PKHD1: variants seen among roughly 807,000 people sequenced by gnomAD.
PKHD1 encodes the protein fibrocystin.
A neutral mutation model predicts 412.0 loss-of-function variants in PKHD1; 291 were observed. The observed-to-expected ratio is 0.71, with a 90% CI of 0.64 to 0.78. PKHD1 has a LOEUF of 0.78. Among genes scored for constraint, PKHD1 ranks in the 30% least tolerant of loss-of-function variants. The pLI is 0.00. For synonymous variants in PKHD1, 1,777 were observed against 1,821.5 expected, an observed-to-expected ratio of 0.98 and a Z score of 0.62; for missense variants, 4,825 against 4,950.7, an observed-to-expected ratio of 0.97 and a Z score of 0.76.
chr6:52,066,664 G>T (rs1433908167), intron 11 of PKHD1, among the ~76,000 whole-genome samples: 4 of 152,094 alleles, frequency 2.6e-5, no homozygotes, highest in African/African-American at 9.7e-5. Flanking sequence ...AGGCCGAAGC[G>T]AGTGGCAGGT....
intron 41 of PKHD1, among the ~76,000 whole-genome samples, chr6:51,904,266 T>G (rs1474488574): frequency 1.3e-5 from 2 of 152,216 alleles, no homozygotes; most frequent in Non-Finnish European, 2.9e-5. Flanking sequence ...AGATCTGTTT[T>G]ACTTTTGAGG....
intron 34 of PKHD1, among the ~76,000 whole-genome samples, chr6:52,016,862 G>A (rs1210626336): frequency 6.6e-6 from 1 of 152,128 alleles, no homozygotes; most frequent in Non-Finnish European, 1.5e-5. Flanking sequence ...GGTTAACTTG[G>A]AAAGTTGTGG....
chr6:51,964,730 T>C (rs1292584488), intron 35 of PKHD1, among the ~76,000 whole-genome samples: 1 of 152,152 alleles, frequency 6.6e-6, no homozygotes, highest in Non-Finnish European at 1.5e-5. Context: ...TATAATTTAA[T>C]TTTGTTCAGT....
At chr6:51,779,471 G>A (rs1562293028) in intron 53 of PKHD1, among the ~76,000 whole-genome samples, 1 of 152,002 alleles carries the variant, frequency 6.6e-6, no homozygotes, top group Non-Finnish European at 1.5e-5. Context: ...TATACTGTAA[G>A]GGCCATTTAC....
chr6:51,728,323 G>A (rs541116483), intron 60 of PKHD1, among the ~76,000 whole-genome samples: 1 of 152,236 alleles, frequency 6.6e-6, no homozygotes, highest in South Asian at 2.1e-4. Context: ...GGCCACTGGA[G>A]CAAGTCACGC....
At chr6:51,947,839 C>T (rs1408821521) in intron 36 of PKHD1, among the ~76,000 whole-genome samples, 1 of 152,112 alleles carries the variant, frequency 6.6e-6, no homozygotes, top group Non-Finnish European at 1.5e-5. Context: ...TACCCAACTG[C>T]CTACTCAACA....
intron 60 of PKHD1, among the ~76,000 whole-genome samples, chr6:51,711,163 A>G (rs1780615262): frequency 6.6e-6 from 1 of 152,204 alleles, no homozygotes; most frequent in African/African-American, 2.4e-5. Flanking sequence ...AGAGACAGGA[A>G]CCTGTCCCTT....
intron 60 of PKHD1, among the ~76,000 whole-genome samples, chr6:51,694,942 T>TG (rs1778621525): frequency 6.1e-5 from 1 of 16,468 alleles, no homozygotes; most frequent in Non-Finnish European, 1.5e-4. Context: ...CCAATGGCAC[T>TG]GACTATAAAA....
chr6:52,041,410 C>T (rs1031617853), intron 27 of PKHD1, among the ~76,000 whole-genome samples: 1 of 152,150 alleles, frequency 6.6e-6, no homozygotes, highest in Non-Finnish European at 1.5e-5. Flanking sequence ...TACTGCTTGT[C>T]CAGGACCACA....
intron 60 of PKHD1, among the ~76,000 whole-genome samples, chr6:51,695,273 C>T (rs2150663874): frequency 6.6e-6 from 1 of 152,180 alleles, no homozygotes; most frequent in South Asian, 2.1e-4. Context: ...TCTCAAAATC[C>T]TTTCATATCT....
chr6:51,933,391 G>A (rs1009889939), intron 37 of PKHD1, among the ~76,000 whole-genome samples: 1 of 152,172 alleles, frequency 6.6e-6, no homozygotes, highest in Non-Finnish European at 1.5e-5. Flanking sequence ...CTGCTCATGG[G>A]GTAGAGGGTT....
intron 52 of PKHD1, among the ~76,000 whole-genome samples, chr6:51,809,459 C>G (rs768488076): frequency 1.3e-5 from 2 of 152,022 alleles, no homozygotes; most frequent in African/African-American, 4.8e-5. Flanking sequence ...TTTATCTAGA[C>G]CAATCCTCCC....
chr6:51,801,942 T>C (rs986630874), intron 52 of PKHD1, among the ~76,000 whole-genome samples: 2 of 152,170 alleles, frequency 1.3e-5, no homozygotes, highest in Non-Finnish European at 2.9e-5. Context: ...CAGAAATATT[T>C]TGAATCTATT....
chr6:51,700,031 T>C (rs1360125437), intron 60 of PKHD1, among the ~76,000 whole-genome samples: 1 of 151,726 alleles, frequency 6.6e-6, no homozygotes, highest in Non-Finnish European at 1.5e-5. Context: ...GCTAAAGATA[T>C]TTTAGGAGAA....
chr6:52,058,832 A>G (rs563321500), intron 15 of PKHD1, among the ~76,000 whole-genome samples: 1 of 152,060 alleles, frequency 6.6e-6, no homozygotes, highest in African/African-American at 2.4e-5. Context: ...GTAGTACTCA[A>G]ATGAGAATAG....
intron 35 of PKHD1, among the ~76,000 whole-genome samples, chr6:52,005,538 C>G (rs989645575): frequency 6.6e-6 from 1 of 152,168 alleles, no homozygotes; most frequent in Non-Finnish European, 1.5e-5. Context: ...AAACCCTGTC[C>G]TTCATAGCAT....
intron 60 of PKHD1, among the ~76,000 whole-genome samples, chr6:51,698,492 CA>C (rs1247501549): frequency 3.3e-5 from 5 of 152,030 alleles, no homozygotes; most frequent in African/African-American, 1.2e-4. Context: ...AAACGTCCCT[CA>C]AAAGCTTCAG....
At chr6:51,891,802 AC>A (rs759140610) in intron 43 of PKHD1, among the ~76,000 whole-genome samples, 45 of 151,934 alleles carry the variant, frequency 3.0e-4, no homozygotes, top group Middle Eastern at 6.8e-3. Context: ...ATTGCTCTTA[AC>A]CCAATAACGC....
rs765313463 is a variant in PKHD1 at position 51,906,236 on chromosome 6, AAAT to A, written c.6784_6786del (p.Ile2262del). The A allele has an allele frequency of 1.2e-6, 2 of 1,612,190 alleles. No homozygotes were observed. The highest frequency in any genetic ancestry group is 2.2e-5 in the South Asian group (2 of 91,046). Reference sequence around the variant, plus strand: ...TTACCAACTAGCAGCGCATGACCTAAAATATTGTAGAATACATTACTGTCCACC... The same window carrying A: ...TTACCAACTAGCAGCGCATGACCTAAATTGTAGAATACATTACTGTCCACC... On this transcript the variant is annotated inframe_deletion, in exon 41 of 67. Coordinates refer to ENST00000371117, the MANE Select transcript of PKHD1 (RefSeq NM_138694.4).
Sources: allele counts gnomAD v4.1 joint callset (sites outside exome capture counted in the v4.1 genomes callset), GRCh38; gene constraint gnomAD v4.1.1; transcripts MANE v1.5; gene names NCBI Gene and HGNC (gene_info 2026-07-23, HGNC 2026-07-21).